Variants in SRGAP1 observed in about 807,000 individuals in gnomAD.
SRGAP1 encodes SLIT-ROBO Rho GTPase-activating protein 1.
SRGAP1 carries 43 observed loss-of-function variants against 121.9 expected under a neutral mutation model. The observed-to-expected ratio is 0.35, with a 90% CI of 0.28 to 0.46. SRGAP1 has a LOEUF of 0.46. SRGAP1 is among the 20% of genes least tolerant of loss of function. The pLI, the probability that SRGAP1 is intolerant of heterozygous loss-of-function variation, is 1.00. For missense variants in SRGAP1, 1,102 were observed against 1,350.9 expected, an observed-to-expected ratio of 0.82 and a Z score of 2.89; for synonymous variants, 447 against 485.4, an observed-to-expected ratio of 0.92 and a Z score of 1.04.
Position 64,159,919 on chromosome 12 carries a change from T to C in SRGAP1, c.*17247T>C, listed in dbSNP as rs1041387673. 2 of 152,244 alleles carry C rather than the reference T, an allele frequency of 1.3e-5. No individual in the cohort carries two copies. The highest frequency in any genetic ancestry group is 4.8e-5 in the African/African-American group (2 of 41,466). 9.4% of individuals were successfully genotyped at this position (152,244 alleles called of 1,614,324 possible). On this transcript the variant is annotated 3_prime_UTR_variant, in exon 22 of 22. Transcript: ENST00000355086. ...CACAGCATAATGTAGCCTTTCCTGATGCATACAATTACTTTTCCTTTCTTT... is the reference window on the plus strand; with the variant it reads ...CACAGCATAATGTAGCCTTTCCTGACGCATACAATTACTTTTCCTTTCTTT...
At chr12:64,092,498 A>ATACG (rs2036073394) in intron 12 of SRGAP1, among the ~76,000 whole-genome samples, 1 of 148,238 alleles carries the variant, frequency 6.7e-6, no homozygotes, top group African/African-American at 2.6e-5. Flanking sequence ...ACATACATAC[A>ATACG]TACATATGTA....
At chr12:63,891,178 A>G (rs562093422) in intron 1 of SRGAP1, among the ~76,000 whole-genome samples, 12 of 152,108 alleles carry the variant, frequency 7.9e-5, no homozygotes, top group Admixed American at 6.5e-4. Context: ...CCTTTATTAG[A>G]CGCTCCTCAC....
At chr12:64,044,674 C>CTTTTTTTTTTTTGTTTTTTTTTTTTTT (rs2035090639) in intron 6 of SRGAP1, among the ~76,000 whole-genome samples, 1 of 72,118 alleles carries the variant, frequency 1.4e-5, no homozygotes, top group Non-Finnish European at 2.9e-5. Flanking sequence ...TGATGTGCCT[C>CTTTTTTTTTTTTGTTTTTTTTTTTTTT]TTTTTTTTTT....
intron 3 of SRGAP1, among the ~76,000 whole-genome samples, chr12:64,008,552 G>A (rs1171076687): frequency 6.6e-6 from 1 of 152,150 alleles, no homozygotes; most frequent in African/African-American, 2.4e-5. Flanking sequence ...TAGTTCCAGA[G>A]TGATATAAAT....
chr12:64,052,839 CATTT>C (rs1316720854), intron 6 of SRGAP1, among the ~76,000 whole-genome samples: 1 of 152,096 alleles, frequency 6.6e-6, no homozygotes, highest in Non-Finnish European at 1.5e-5. Flanking sequence ...CGTTGTGTAT[CATTT>C]ATAATTTCTA....
At chr12:64,032,953 G>T (rs2034814856) in intron 4 of SRGAP1, among the ~76,000 whole-genome samples, 1 of 151,696 alleles carries the variant, frequency 6.6e-6, no homozygotes, top group Admixed American at 6.6e-5. Flanking sequence ...ACATCACACT[G>T]TACCCCATAA....
intron 3 of SRGAP1, among the ~76,000 whole-genome samples, chr12:64,005,782 A>G (rs964147886): frequency 1.3e-5 from 2 of 152,212 alleles, no homozygotes; most frequent in East Asian, 1.9e-4. Context: ...TGACAAATGC[A>G]TAGTAACTTA....
At chr12:64,121,481 C>T (rs906429322) in intron 18 of SRGAP1, among the ~76,000 whole-genome samples, 1 of 151,966 alleles carries the variant, frequency 6.6e-6, no homozygotes, top group Admixed American at 6.6e-5. Context: ...TTTCAAACTC[C>T]TGGCCTCAAG....
intron 1 of SRGAP1, among the ~76,000 whole-genome samples, chr12:63,981,182 A>G (rs1435595742): frequency 2.0e-5 from 3 of 152,344 alleles, no homozygotes; most frequent in South Asian, 2.1e-4. Flanking sequence ...TAATTGTTAA[A>G]TCCATCATTC....
chr12:63,850,099 G>A (rs552709851), intron 1 of SRGAP1, among the ~76,000 whole-genome samples: 7 of 152,080 alleles, frequency 4.6e-5, no homozygotes, highest in Non-Finnish European at 8.8e-5. Flanking sequence ...GGCCTTTAAG[G>A]TCTAGAAAAA....
At chr12:63,871,706 C>T (rs1368777536) in intron 1 of SRGAP1, 2 of 812,256 alleles carry the variant, frequency 2.5e-6, no homozygotes. Flanking sequence ...TCAACATTTT[C>T]TCTTCAAAAT....
At chr12:63,891,430 A>G (rs1254551191) in intron 1 of SRGAP1, among the ~76,000 whole-genome samples, 2 of 152,166 alleles carry the variant, frequency 1.3e-5, no homozygotes, top group African/African-American at 4.8e-5. Flanking sequence ...TTTGACTTCC[A>G]TCCAAACTGA....
chr12:64,019,309 C>G (rs1358439583), intron 4 of SRGAP1, among the ~76,000 whole-genome samples: 1 of 152,118 alleles, frequency 6.6e-6, no homozygotes, highest in Non-Finnish European at 1.5e-5. Context: ...GAACTCTTAT[C>G]AATATCAGCC....
chr12:64,040,886 C>T (rs2136502642), intron 4 of SRGAP1, among the ~76,000 whole-genome samples: 1 of 152,232 alleles, frequency 6.6e-6, no homozygotes, highest in East Asian at 1.9e-4. Context: ...TGTGCATATT[C>T]TCTAATGCTG....
At chr12:64,054,887 C>A (rs1340765558) in intron 6 of SRGAP1, among the ~76,000 whole-genome samples, 1 of 111,732 alleles carries the variant, frequency 8.9e-6, no homozygotes, top group Admixed American at 1.1e-4. Flanking sequence ...TCCCTCCCCC[C>A]TCCCCCCACC....
intron 1 of SRGAP1, among the ~76,000 whole-genome samples, chr12:63,892,512 G>A (rs1486359121): frequency 1.3e-5 from 2 of 152,092 alleles, no homozygotes; most frequent in Non-Finnish European, 2.9e-5. Context: ...TGAGATGCTT[G>A]TATATTTTAA....
chr12:64,123,620 A>G (rs114588769), intron 18 of SRGAP1, among the ~76,000 whole-genome samples: 1,890 of 151,636 alleles, frequency 0.012, 31 homozygotes, highest in African/African-American at 0.043. Context: ...ATATAATCTA[A>G]AAGTTTTATT....
At chr12:64,135,234 A>T (rs2036840779) in intron 21 of SRGAP1, among the ~76,000 whole-genome samples, 4 of 152,138 alleles carry the variant, frequency 2.6e-5, no homozygotes, top group Admixed American at 2.6e-4. Flanking sequence ...GCAGGGTCCC[A>T]TTCTTTTCTA....
At chr12:63,991,200 C>T (rs1028723636) in intron 3 of SRGAP1, among the ~76,000 whole-genome samples, 1 of 152,154 alleles carries the variant, frequency 6.6e-6, no homozygotes, top group Admixed American at 6.5e-5. Context: ...AATGTTGATG[C>T]CTGTACCTAT....
Sources: gnomAD v4.1 joint callset for allele counts (sites outside exome capture counted in the v4.1 genomes callset) on GRCh38, gnomAD v4.1.1 for gene constraint, MANE v1.5 for transcripts, NCBI Gene and HGNC (gene_info 2026-07-23, HGNC 2026-07-21) for gene names.